RCOR1: variants seen among roughly 807,000 people sequenced by gnomAD.
The protein encoded by RCOR1 is REST corepressor.
In RCOR1, 12 loss-of-function variants were observed where a neutral mutation model predicts 64.0. The ratio of observed to expected loss-of-function variants is 0.19; its 90% CI spans 0.12 to 0.30. RCOR1 has a LOEUF of 0.30. Ranked by LOEUF, RCOR1 falls within the 10% of genes least tolerant of loss-of-function variation. RCOR1 has a pLI of 1.00. For synonymous variants in RCOR1, 279 were observed against 227.2 expected (o/e 1.23, Z -2.05); for missense variants, 502 against 621.2 (o/e 0.81, Z 2.04).
At chr14:102,608,767 G>T (rs1893567434) in intron 2 of RCOR1, among the ~76,000 whole-genome samples, 1 of 150,170 alleles carries the variant, frequency 6.7e-6, no homozygotes, top group Non-Finnish European at 1.5e-5. Flanking sequence ...GTTTGTTTAT[G>T]TTGGCCAGGC....
At chr14:102,706,339 G>T (rs1164493155) in intron 4 of RCOR1, among the ~76,000 whole-genome samples, 2 of 151,972 alleles carry the variant, frequency 1.3e-5, no homozygotes, top group Admixed American at 6.6e-5. Flanking sequence ...ATTTACATTA[G>T]TTCCAAAAAC....
rs571809272 is a variant in RCOR1, at chr14:102,719,132, A to G, written c.1054-1875A>G. Among the ~76,000 whole-genome samples, 1,311 of 152,020 alleles carry G rather than the reference A, an allele frequency of 8.6e-3. 8 individuals are homozygous for G. The highest frequency in any genetic ancestry group is 0.021 in the Middle Eastern group (6 of 292). On this transcript the variant is annotated intron_variant, in intron 8 of 11. Coordinates refer to ENST00000262241, the MANE Select transcript of RCOR1 (RefSeq NM_015156.4). Reference sequence around the variant, plus strand: ...GGGTCTGGCACTGTCACCCAGGCTGAAGTGCAGTGGTGCGATCTCGGCTCA... The same window carrying G: ...GGGTCTGGCACTGTCACCCAGGCTGGAGTGCAGTGGTGCGATCTCGGCTCA...
At chr14:102,670,530 TG>T (rs1035226750) in intron 2 of RCOR1, among the ~76,000 whole-genome samples, 3 of 152,090 alleles carry the variant, frequency 2.0e-5, no homozygotes, top group Non-Finnish European at 4.4e-5. Context: ...TACAGTTCTC[TG>T]TTTATACTTT....
rs906110141 is a variant in RCOR1 at position 102,728,179 on chromosome 14, T to C, written c.*1673T>C. On this transcript the variant is annotated 3_prime_UTR_variant, in exon 12 of 12. Transcript: ENST00000262241. ...GGTTTTTTGGAATTGTAAATTTTTT[T>C]TTAGTATAGTCTGGAGAGAAAGGTC... is the stretch of plus-strand genomic sequence containing the variant. 6.6e-6 allele frequency: 1 copy of C among 152,298 alleles called. No individual in the cohort carries two copies. Among genetic ancestry groups the C allele is most frequent in the South Asian group, 2.1e-4 (1 of 4,836 alleles). 9.4% of individuals were successfully genotyped at this position (152,298 alleles called of 1,614,324 possible). A position where few individuals can be genotyped will look rare whatever the true frequency, so the allele number is the denominator to read the frequency against.
At chr14:102,602,535 C>G (rs1218263584) in intron 2 of RCOR1, among the ~76,000 whole-genome samples, 3 of 151,726 alleles carry the variant, frequency 2.0e-5, no homozygotes, top group African/African-American at 7.3e-5. Flanking sequence ...TCCCGTGTAG[C>G]TAGGATTACA....
intron 2 of RCOR1, among the ~76,000 whole-genome samples, chr14:102,644,268 T>C (rs1894434397): frequency 6.6e-6 from 1 of 152,208 alleles, no homozygotes; most frequent in Non-Finnish European, 1.5e-5. Context: ...GACTATTAAC[T>C]GATTCACTTT....
At chr14:102,698,994 C>G (rs1378482116) in intron 3 of RCOR1, among the ~76,000 whole-genome samples, 1 of 152,094 alleles carries the variant, frequency 6.6e-6, no homozygotes, top group East Asian at 1.9e-4. Context: ...TCTTGGCTCA[C>G]TGCAACCTCA....
chr14:102,721,456 T>C, intron 10 of RCOR1, 79 bp downstream of exon 10: 1 of 1,054,348 alleles, frequency 9.5e-7, no homozygotes, highest in Non-Finnish European at 1.4e-6. Flanking sequence ...TTTGGAAGGT[T>C]GACGCATTTG....
At chr14:102,714,043 T>C (rs1246641558) in intron 7 of RCOR1, among the ~76,000 whole-genome samples, 1 of 152,244 alleles carries the variant, frequency 6.6e-6, no homozygotes, top group Non-Finnish European at 1.5e-5. Flanking sequence ...CAAAAATGTG[T>C]ATAAAAAGCT....
intron 2 of RCOR1, chr14:102,657,234 TAGTGTC>T (rs1413138218): frequency 3.0e-6 from 3 of 985,380 alleles, no homozygotes; most frequent in Non-Finnish European, 3.6e-6. Context: ...GATGTGTGCT[TAGTGTC>T]AGTGCATAGA....
Position 102,621,708 on chromosome 14 carries a change from CTTAAA to C in RCOR1, c.361+28385_361+28389del, listed in dbSNP as rs1893876655. Among the ~76,000 whole-genome samples, 4 of 98,778 alleles carry C rather than the reference CTTAAA, an allele frequency of 4.0e-5. 1 individual carries two copies. In the South Asian group the frequency reaches 1.7e-3, roughly 42 times the overall value. The allele number at this position is 98,778 out of a possible 152,430, so 64.8% of individuals were successfully genotyped here. On this transcript the variant is annotated intron_variant, in intron 2 of 11. Coordinates refer to ENST00000262241, the MANE Select transcript of RCOR1 (RefSeq NM_015156.4). Reference sequence around the variant, plus strand: ...ACATAGTTGGCACGAAATAAAATCACTTAAATGAATGAATGAGTGAAATACAAAGG... The same window carrying C: ...ACATAGTTGGCACGAAATAAAATCACTGAATGAATGAGTGAAATACAAAGG...
chr14:102,676,175 T>C (rs566986244), intron 2 of RCOR1, among the ~76,000 whole-genome samples: 2 of 150,690 alleles, frequency 1.3e-5, no homozygotes, highest in Non-Finnish European at 3.0e-5. Flanking sequence ...CGCCTTTCTA[T>C]TCCACAAAAC....
chr14:102,632,650 TTTCCTTTCCTTTCCTTTCCTTTCC>T lies in RCOR1; in HGVS notation c.361+39328_361+39351del, dbSNP rs1439438170. On this transcript the variant is annotated intron_variant, in intron 2 of 11. Coordinates refer to ENST00000262241, the MANE Select transcript of RCOR1 (RefSeq NM_015156.4). ...TTTCCTTTCCTTTCCTTTCCTTTCC[TTTCCTTTCCTTTCCTTTCCTTTCC>T]TTTCCTTTTCCTTTTCCTTTTCCTT... Among the ~76,000 whole-genome samples, 15 of 65,296 alleles carry T rather than the reference TTTCCTTTCCTTTCCTTTCCTTTCC, an allele frequency of 2.3e-4. 1 individual carries two copies. In the South Asian group the frequency reaches 3.7e-3, roughly 16 times the overall value. The allele number at this position is 65,296 out of a possible 152,430, so 42.8% of individuals were successfully genotyped here.
Position 102,592,731 on chromosome 14 carries a change from G to A in RCOR1, c.-156G>A, listed in dbSNP as rs1402507244. 8.2e-7 allele frequency: 1 copy of A among 1,223,504 alleles called. No individual in the cohort carries two copies. The highest frequency in any genetic ancestry group is 1.0e-6 in the Non-Finnish European group (1 of 982,826). The allele number at this position is 1,223,504 out of a possible 1,614,324, so 75.8% of individuals were successfully genotyped here. The stretch of plus-strand genomic sequence containing the variant: ...GGGGCTTGAAGCGGCTCCGCGCTCT[G>A]CCCGTTTGGGCCTCCCCCGACTCGG... On this transcript the variant is annotated 5_prime_UTR_variant, in exon 1 of 12. Coordinates refer to ENST00000262241, the MANE Select transcript of RCOR1 (RefSeq NM_015156.4).
intron 2 of RCOR1, among the ~76,000 whole-genome samples, chr14:102,617,972 C>CTTTTTTTT (rs71305077): frequency 8.2e-6 from 1 of 122,528 alleles, no homozygotes; most frequent in Non-Finnish European, 1.7e-5. Flanking sequence ...TTTTTTTTTT[C>CTTTTTTTT]TTTTTTTTTT....
intron 3 of RCOR1, among the ~76,000 whole-genome samples, chr14:102,698,929 T>G (rs1895699466): frequency 6.6e-6 from 1 of 152,196 alleles, no homozygotes; most frequent in African/African-American, 2.4e-5. Context: ...CCCTGCCTTT[T>G]TTTTTTTGAG....
chr14:102,654,722 T>A (rs1282151528), intron 2 of RCOR1, among the ~76,000 whole-genome samples: 5 of 151,020 alleles, frequency 3.3e-5, no homozygotes, highest in African/African-American at 4.9e-5. Flanking sequence ...AAGAAAAAAA[T>A]TTTTAAAAAA....
intron 7 of RCOR1, among the ~76,000 whole-genome samples, chr14:102,713,373 CTCAGCCTCCCGCCATTCTCCTGCT>C (rs1399243659): frequency 3.3e-5 from 5 of 151,238 alleles, no homozygotes; most frequent in Admixed American, 3.3e-4. Context: ...ATTCTCCTGC[CTCAGCCTCCCGCCATTCTCCTGCT>C]TCAGCCTCCC....
intron 2 of RCOR1, among the ~76,000 whole-genome samples, chr14:102,613,495 C>T (rs1032912617): frequency 1.3e-5 from 2 of 148,158 alleles, no homozygotes; most frequent in African/African-American, 2.5e-5. Context: ...TGCTGTGGCG[C>T]GATCTCTGCT....
Sources: allele counts gnomAD v4.1 joint callset (sites outside exome capture counted in the v4.1 genomes callset), GRCh38; gene constraint gnomAD v4.1.1; transcripts MANE v1.5; gene names NCBI Gene and HGNC (gene_info 2026-07-23, HGNC 2026-07-21).